SUPT5H: variants seen among roughly 807,000 people sequenced by gnomAD.
SUPT5H encodes the protein transcription elongation factor SPT5.
Under a neutral mutation model 142.5 loss-of-function variants are expected in SUPT5H, and 24 were observed. The observed-to-expected ratio is 0.17, with a 90% CI of 0.12 to 0.24. The LOEUF is 0.24. SUPT5H is among the 10% of genes least tolerant of loss of function. SUPT5H has a pLI of 1.00. For missense variants in SUPT5H, 893 were observed against 1,471.8 expected (o/e 0.61, Z 6.43); for synonymous variants, 546 against 553.0 (o/e 0.99, Z 0.18).
In SUPT5H at chr19:39,466,482, G is replaced by A; in HGVS notation, c.879G>A (p.Val293=). ...GACCTTCTGCTCGCCCTGCTCAGGTGGACTACGTGGAGCCCAGCCAGAACA... is the reference window on the plus strand; with the variant it reads ...GACCTTCTGCTCGCCCTGCTCAGGTAGACTACGTGGAGCCCAGCCAGAACA... ...RGIYKDDIAQ[V]DYVEPSQNTI... is the part of the protein sequence containing the mutation. The change falls in exon 12 of 30, where the codon GTG becomes GTA. Residue 293 remains valine, a splice_region_variant and synonymous_variant. Transcript: ENST00000432763. The surrounding 1 kb of genome is among the most constrained non-coding windows in gnomAD (Gnocchi z 4.3). 1 of 1,613,812 alleles carries A rather than the reference G, an allele frequency of 6.2e-7. No individual in the cohort carries two copies. Among genetic ancestry groups the A allele is most frequent in the Non-Finnish European group, 8.5e-7 (1 of 1,180,024 alleles).
rs376597898 is a variant in SUPT5H, at chr19:39,474,384, G to C, written c.2802G>C (p.Pro934=). 1 of 1,613,996 alleles carries C rather than the reference G, an allele frequency of 6.2e-7. No homozygotes were observed. Among genetic ancestry groups the C allele is most frequent in the East Asian group, 2.2e-5 (1 of 44,870 alleles). ...THSPASYHPT[P]SPMAYQASPS... ...CCCCAGCCAGCTACCACCCTACACC[G>C]TCGCCCATGGCCTATCAGGTAATGG... Residue 934 remains proline (P), a synonymous_variant, in exon 27 of 30, where the codon CCG becomes CCC. Transcript: ENST00000432763. The surrounding 1 kb of genome is among the most constrained non-coding windows in gnomAD (Gnocchi z 6.5).
chr19:39,446,382 T>G (rs2078954821), intron 2 of SUPT5H, among the ~76,000 whole-genome samples: 1 of 152,094 alleles, frequency 6.6e-6, no homozygotes, highest in Non-Finnish European at 1.5e-5. Flanking sequence ...AGCCAAGGAA[T>G]AAACTATATA....
At position 39,469,112 on chromosome 19, in the gene SUPT5H, C is replaced by G; in HGVS notation, c.1177C>G (p.Leu393Val). 6.2e-7 allele frequency: 1 copy of G among 1,614,208 alleles called. No homozygotes were observed. Among genetic ancestry groups the G allele is most frequent in the Non-Finnish European group, 8.5e-7 (1 of 1,180,038 alleles). The change falls in exon 15 of 30, where the codon CTG (leucine) becomes GTG (valine). Residue 393 changes from leucine to valine, a missense_variant. By Grantham distance (32) the Leu-to-Val change is conservative. This residue lies in a region of SUPT5H where 428 missense variants were observed against 763.5 expected (regional missense o/e 0.56). Coordinates refer to ENST00000432763, the MANE Select transcript of SUPT5H (RefSeq NM_001111020.3). The surrounding 1 kb of genome is among the most constrained non-coding windows in gnomAD (Gnocchi z 5.1). The part of the protein sequence containing the change: ...TEGVKPTLSE[L>V]EKFEDQPEGI... ...GGGTGTGAAGCCAACACTCTCTGAG[C>G]TGGAAAAGTTTGAGGACCAGCCAGA...
At chr19:39,459,310 G>A in intron 8 of SUPT5H, 61 bp downstream of exon 8, 2 of 1,535,704 alleles carry the variant, frequency 1.3e-6, no homozygotes, top group Non-Finnish European at 8.8e-7. Context: ...GGGTGATGGT[G>A]CCTAGACAGG....
At chr19:39,471,912 T>C (rs552402599) in intron 20 of SUPT5H, 182 bp downstream of exon 20, 34 of 905,836 alleles carry the variant, frequency 3.8e-5, no homozygotes, top group Non-Finnish European at 5.4e-5. Context: ...CAAGTTATTT[T>C]AAGTTATTTA....
In SUPT5H at chr19:39,470,082, C is replaced by G; in HGVS notation, c.1375-37C>G. The G allele has an allele frequency of 6.2e-7, 1 of 1,603,016 alleles. No individual in the cohort carries two copies. The highest frequency in any genetic ancestry group is 8.5e-7 in the Non-Finnish European group (1 of 1,172,788). The stretch of plus-strand genomic sequence containing the variant: ...GGGCAGGCAGGTTGTGGTGGTCTCC[C>G]TTCACCTGTTTGTTGTCCCCACACC... On this transcript the variant is annotated intron_variant, in intron 16 of 29. Coordinates refer to ENST00000432763, the MANE Select transcript of SUPT5H (RefSeq NM_001111020.3). The surrounding 1 kb of genome is among the most constrained non-coding windows in gnomAD (Gnocchi z 5.8).
intron 10 of SUPT5H, 72 bp from the exon 11 acceptor site, chr19:39,464,726 A>T (rs1200740001): frequency 3.9e-6 from 6 of 1,525,418 alleles, no homozygotes; most frequent in Non-Finnish European, 5.3e-6. Context: ...GGGACTGCTG[A>T]TGAGTGGCAG....
chr19:39,460,040 C>A, intron 10 of SUPT5H, 80 bp downstream of exon 10: 1 of 1,472,638 alleles, frequency 6.8e-7, no homozygotes, highest in Non-Finnish European at 9.5e-7. Flanking sequence ...TCAGGGGTAC[C>A]AGGTGCCTCT....
intron 10 of SUPT5H, among the ~76,000 whole-genome samples, chr19:39,461,471 G>A (rs2079160059): frequency 6.6e-6 from 1 of 152,110 alleles, no homozygotes; most frequent in African/African-American, 2.4e-5. Context: ...TGAGGCAAAA[G>A]GAGTTCGAGG....
Position 39,466,663 on chromosome 19 carries a change from T to G in SUPT5H, c.967-12T>G. The stretch of plus-strand genomic sequence containing the variant: ...CCCTCACCCTTCCCACCCATGCCCC[T>G]TTCCTCCATAGAAAGACTGGTTTGC... On this transcript the variant is annotated splice_polypyrimidine_tract_variant and intron_variant, in intron 12 of 29. Transcript: ENST00000432763. This position sits in a 1 kb window ranked among gnomAD's most constrained non-coding sequence, Gnocchi z 4.3. 1 of 1,597,494 alleles carries G rather than the reference T, an allele frequency of 6.3e-7. No homozygotes were observed. The highest frequency in any genetic ancestry group is 8.6e-7 in the Non-Finnish European group (1 of 1,167,822).
In SUPT5H at chr19:39,470,012, T is replaced by G. The variant is rs2079297355; in HGVS notation, c.1375-107T>G. On this transcript the variant is annotated intron_variant, in intron 16 of 29. Coordinates refer to ENST00000432763, the MANE Select transcript of SUPT5H (RefSeq NM_001111020.3). The surrounding 1 kb of genome is among the most constrained non-coding windows in gnomAD (Gnocchi z 5.8). ...TAGTCTGGGGTGGGTGGTAAGAGCC[T>G]GAAGTGGGGTTTTTGAGAACATGCG... is the stretch of plus-strand genomic sequence containing the variant. 1 of 1,447,296 alleles carries G rather than the reference T, an allele frequency of 6.9e-7. No homozygotes were observed. The highest frequency in any genetic ancestry group is 9.4e-7 in the Non-Finnish European group (1 of 1,061,674). The allele number at this position is 1,447,296 out of a possible 1,614,324, so 89.7% of individuals were successfully genotyped here. A position where few individuals can be genotyped will look rare whatever the true frequency, so the allele number is the denominator to read the frequency against.
rs201178144 is a variant in SUPT5H at position 39,474,104 on chromosome 19, G to T, written c.2634G>T (p.Thr878=). The part of the protein sequence containing the change: ...PQVNPQYNPQ[T]PGTPAMYNTD... ...TCAACCCACAATACAACCCGCAGAC[G>T]CCAGGGACGCCGGCCATGTGAGTCC... Residue 878 remains threonine (T), a synonymous_variant, in exon 26 of 30, where the codon ACG becomes ACT. Coordinates refer to ENST00000432763, the MANE Select transcript of SUPT5H (RefSeq NM_001111020.3). The surrounding 1 kb of genome is among the most constrained non-coding windows in gnomAD (Gnocchi z 6.5). 24 of 1,599,448 alleles carry T rather than the reference G, an allele frequency of 1.5e-5. 1 individual carries two copies. The African/African-American group carries it at 2.9e-4, about 20-fold the overall frequency.
At position 39,469,610 on chromosome 19, in the gene SUPT5H, G is replaced by T. The variant is rs1600721115; in HGVS notation, c.1374+212G>T. On this transcript the variant is annotated intron_variant, in intron 16 of 29. Transcript: ENST00000432763. The surrounding 1 kb of genome is among the most constrained non-coding windows in gnomAD (Gnocchi z 5.1). ...CTGCCTGGTGGTGTCTGTCTCTGGA[G>T]AGTGACTTGGTCTATCTTTTGTTTC... 1.5e-6 allele frequency: 1 copy of T among 648,500 alleles called. No homozygotes were observed. 40.2% of individuals were successfully genotyped at this position (648,500 alleles called of 1,614,324 possible). A position where few individuals can be genotyped will look rare whatever the true frequency, so the allele number is the denominator to read the frequency against.
In SUPT5H at chr19:39,458,017, T is replaced by C; in HGVS notation, c.307+277T>C. On this transcript the variant is annotated intron_variant, in intron 4 of 29. Coordinates refer to ENST00000432763, the MANE Select transcript of SUPT5H (RefSeq NM_001111020.3). The surrounding 1 kb of genome is among the most constrained non-coding windows in gnomAD (Gnocchi z 4.2). Reference sequence around the variant, plus strand: ...TTCTGGGGTTGTAGGGTGGGCGAGCTCTGTCCCAAGATACCCCCCACTTCC... The same window carrying C: ...TTCTGGGGTTGTAGGGTGGGCGAGCCCTGTCCCAAGATACCCCCCACTTCC... 1.4e-6 allele frequency: 1 copy of C among 739,966 alleles called. No homozygotes were observed. Among genetic ancestry groups the C allele is most frequent in the Non-Finnish European group, 2.2e-6 (1 of 448,264 alleles). 45.8% of individuals were successfully genotyped at this position (739,966 alleles called of 1,614,324 possible).
At position 39,458,935 on chromosome 19, in the gene SUPT5H, T is replaced by G; in HGVS notation, c.389+48T>G. The G allele has an allele frequency of 6.2e-7, 1 of 1,613,668 alleles. No homozygotes were observed. On this transcript the variant is annotated intron_variant, in intron 6 of 29. Transcript: ENST00000432763. The surrounding 1 kb of genome is among the most constrained non-coding windows in gnomAD (Gnocchi z 4.2). Reference sequence around the variant, plus strand: ...GTGGGATTGGCTCCTGTGGGGAGATTTGGGAGTAGGTCAGCCCACCTGCTG... The same window carrying G: ...GTGGGATTGGCTCCTGTGGGGAGATGTGGGAGTAGGTCAGCCCACCTGCTG...
At chr19:39,461,830 A>AT (rs1485270194) in intron 10 of SUPT5H, among the ~76,000 whole-genome samples, 1 of 106,814 alleles carries the variant, frequency 9.4e-6, no homozygotes, top group African/African-American at 3.4e-5. Flanking sequence ...TCAAAAAAAA[A>AT]AAAAAAAAAA....
In SUPT5H at chr19:39,459,915, C is replaced by T; in HGVS notation, c.579C>T (p.Ala193=). Residue 193 remains alanine (A), a synonymous_variant, in exon 10 of 30, where the codon GCC becomes GCT. Transcript: ENST00000432763. The part of the protein sequence containing the change: ...KCKIGEERAT[A]ISLMRKFIAY... The stretch of plus-strand genomic sequence containing the variant: ...AGATTGGGGAGGAACGGGCCACGGC[C>T]ATTTCCTTGATGCGCAAGTTCATTG... 2 of 1,614,168 alleles carry T rather than the reference C, an allele frequency of 1.2e-6. No individual in the cohort carries two copies. The highest frequency in any genetic ancestry group is 1.7e-6 in the Non-Finnish European group (2 of 1,180,038).
rs2079360833 is a variant in SUPT5H at position 39,473,816 on chromosome 19, G to A, written c.2493-147G>A. 1 of 1,161,984 alleles carries A rather than the reference G, an allele frequency of 8.6e-7. No homozygotes were observed. The allele number at this position is 1,161,984 out of a possible 1,614,324, so 72.0% of individuals were successfully genotyped here. A position where few individuals can be genotyped will look rare whatever the true frequency, so the allele number is the denominator to read the frequency against. On this transcript the variant is annotated intron_variant, in intron 25 of 29. Coordinates refer to ENST00000432763, the MANE Select transcript of SUPT5H (RefSeq NM_001111020.3). This position sits in a 1 kb window ranked among gnomAD's most constrained non-coding sequence, Gnocchi z 5.8. ...TCTGTCAACCACAGTGTCAGCTGTG[G>A]AAGGGAAATAACATCAGGAGTGCCT...
chr19:39,457,502 C>T (rs958575945), intron 3 of SUPT5H, among the ~76,000 whole-genome samples, 173 bp from the exon 4 acceptor site: 9 of 152,188 alleles, frequency 5.9e-5, no homozygotes, highest in African/African-American at 1.4e-4. Context: ...GATCCTGATG[C>T]GTGCACCAGC....
Sources: allele counts gnomAD v4.1 joint callset (sites outside exome capture counted in the v4.1 genomes callset), GRCh38; gene constraint gnomAD v4.1.1; regional missense constraint gnomAD v4.1.1; non-coding constraint Gnocchi (gnomAD v3.1); transcripts MANE v1.5; gene names NCBI Gene and HGNC (gene_info 2026-07-23, HGNC 2026-07-21).